The following FER variants were observed in gnomAD, a reference collection of about 807,000 sequenced individuals.
FER encodes the protein tyrosine-protein kinase Fer.
Under a neutral mutation model 111.0 loss-of-function variants are expected in FER, and 63 were observed. The observed-to-expected ratio is 0.57, with a 90% CI of 0.46 to 0.70. FER has a LOEUF of 0.70. FER is among the 30% of genes least tolerant of loss of function. FER has a pLI of 0.00. For missense variants in FER, 914 were observed against 954.0 expected (o/e 0.96, Z 0.55); for synonymous variants, 327 against 313.9 (o/e 1.04, Z -0.44).
At chr5:108,853,283 A>G (rs922518824) in intron 5 of FER, among the ~76,000 whole-genome samples, 2 of 152,196 alleles carry the variant, frequency 1.3e-5, no homozygotes, top group East Asian at 3.8e-4. Context: ...AGTTCTTGCT[A>G]TATGTTAGTC....
chr5:108,889,667 A>C (rs1051579935), intron 9 of FER, among the ~76,000 whole-genome samples: 17 of 152,096 alleles, frequency 1.1e-4, no homozygotes, highest in African/African-American at 3.9e-4. Context: ...AAAGAGTATA[A>C]TAGGATAGTT....
At chr5:109,111,041 C>T (rs1471434838) in intron 17 of FER, among the ~76,000 whole-genome samples, 1 of 152,036 alleles carries the variant, frequency 6.6e-6, no homozygotes, top group African/African-American at 2.4e-5. Context: ...GTCTTAGCTA[C>T]AGTTTTTTAT....
intron 10 of FER, among the ~76,000 whole-genome samples, chr5:108,905,481 C>A (rs1195410853): frequency 6.6e-6 from 1 of 152,032 alleles, no homozygotes; most frequent in African/African-American, 2.4e-5. Flanking sequence ...TAAATATCTA[C>A]TATGATTAAT....
chr5:108,866,052 G>A (rs190447573), intron 5 of FER, among the ~76,000 whole-genome samples: 48 of 152,302 alleles, frequency 3.2e-4, no homozygotes, highest in Admixed American at 3.0e-3. Flanking sequence ...TCTGGAACTA[G>A]AAGTACCATT....
chr5:109,106,855 G>A lies in FER; in HGVS notation c.2048+6336G>A, dbSNP rs1748995713. Among the ~76,000 whole-genome samples, 5 of 152,278 alleles carry A rather than the reference G, an allele frequency of 3.3e-5. No individual in the cohort carries two copies. The South Asian group carries it at 1.0e-3, about 32-fold the overall frequency. The stretch of plus-strand genomic sequence containing the variant: ...TTTATGTTAGCCAATTAACATCTTG[G>A]CTTGGGTTAATGTACCAGCATATCT... On this transcript the variant is annotated intron_variant, in intron 17 of 19. Transcript: ENST00000281092.
Position 109,062,870 on chromosome 5 carries a change from TCA to T in FER, c.1924+15677_1924+15678del, listed in dbSNP as rs34577728. Among the ~76,000 whole-genome samples, 842 of 152,316 alleles carry T rather than the reference TCA, an allele frequency of 5.5e-3. 11 individuals are homozygous for T. Among genetic ancestry groups the T allele is most frequent in the African/African-American group, 0.019 (777 of 41,580 alleles). Reference sequence around the variant, plus strand: ...TATATTATCTGGTACAATTCTCAGCTCACACAGACTCATGGCCCTTGGCAATC... The same window carrying T: ...TATATTATCTGGTACAATTCTCAGCTCACAGACTCATGGCCCTTGGCAATC... On this transcript the variant is annotated intron_variant, in intron 16 of 19. Coordinates refer to ENST00000281092, the MANE Select transcript of FER (RefSeq NM_005246.4).
At chr5:108,764,439 C>G (rs937568695) in intron 1 of FER, among the ~76,000 whole-genome samples, 1 of 151,580 alleles carries the variant, frequency 6.6e-6, no homozygotes, top group Non-Finnish European at 1.5e-5. Context: ...CTCTTGTTGC[C>G]CAGACTGCAG....
At chr5:108,970,442 G>C (rs1287818838) in intron 13 of FER, among the ~76,000 whole-genome samples, 1 of 151,786 alleles carries the variant, frequency 6.6e-6, no homozygotes, top group African/African-American at 2.4e-5. Flanking sequence ...GCATGGTCTT[G>C]ATCTCCTGAC....
chr5:109,181,108 A>G (rs914842259), intron 18 of FER, among the ~76,000 whole-genome samples: 2 of 152,172 alleles, frequency 1.3e-5, no homozygotes, highest in Non-Finnish European at 2.9e-5. Context: ...AAAGGTAGAT[A>G]TAAGTACTTT....
chr5:108,982,553 CAAAAG>C (rs1399391064), intron 13 of FER, among the ~76,000 whole-genome samples: 1 of 151,990 alleles, frequency 6.6e-6, no homozygotes, highest in Non-Finnish European at 1.5e-5. Flanking sequence ...TTATAGAACT[CAAAAG>C]AAAGGTATCC....
intron 16 of FER, among the ~76,000 whole-genome samples, chr5:109,066,199 A>T (rs185237615): frequency 6.6e-6 from 1 of 152,288 alleles, no homozygotes; most frequent in African/African-American, 2.4e-5. Flanking sequence ...AATATATCTC[A>T]TAAGATGATA....
At chr5:109,081,591 A>G (rs74970060) in intron 16 of FER, among the ~76,000 whole-genome samples, 1 of 152,132 alleles carries the variant, frequency 6.6e-6, no homozygotes, top group South Asian at 2.1e-4. Flanking sequence ...TCTCAGTATT[A>G]TATTGAAACC....
At chr5:108,785,331 C>G in intron 2 of FER, 2 of 565,482 alleles carry the variant, frequency 3.5e-6, no homozygotes, top group Non-Finnish European at 6.9e-6. Flanking sequence ...TGCTTCAGCC[C>G]CAACTGCTAC....
chr5:108,863,390 G>C (rs1448538407), intron 5 of FER, among the ~76,000 whole-genome samples: 1 of 152,100 alleles, frequency 6.6e-6, no homozygotes, highest in East Asian at 1.9e-4. Flanking sequence ...GAAAGTGTTG[G>C]GATTACACGT....
chr5:108,826,739 G>C (rs1264361996), intron 3 of FER, among the ~76,000 whole-genome samples: 1 of 152,208 alleles, frequency 6.6e-6, no homozygotes, highest in East Asian at 1.9e-4. Context: ...TGGGCTTTTT[G>C]ATGGGAAGTG....
intron 13 of FER, among the ~76,000 whole-genome samples, chr5:109,017,055 G>C (rs12188107): frequency 6.6e-6 from 1 of 151,942 alleles, no homozygotes; most frequent in Non-Finnish European, 1.5e-5. Flanking sequence ...ATGATACTTT[G>C]TTATGGCAGC....
chr5:109,178,926 A>G (rs920726211), intron 17 of FER, among the ~76,000 whole-genome samples: 3 of 151,492 alleles, frequency 2.0e-5, no homozygotes, highest in African/African-American at 4.8e-5. Flanking sequence ...ATATTTTTTA[A>G]TTAATATTCA....
At chr5:109,120,468 T>C (rs1750829712) in intron 17 of FER, among the ~76,000 whole-genome samples, 1 of 152,162 alleles carries the variant, frequency 6.6e-6, no homozygotes, top group Non-Finnish European at 1.5e-5. Flanking sequence ...GTGTCTATTT[T>C]TATTGCCAGT....
chr5:109,005,094 A>G (rs1364964605), intron 13 of FER, among the ~76,000 whole-genome samples: 1 of 152,122 alleles, frequency 6.6e-6, no homozygotes, highest in Non-Finnish European at 1.5e-5. Flanking sequence ...ACCAGAATCC[A>G]GTGTGTGCCA....
Sources: allele counts gnomAD v4.1 joint callset (sites outside exome capture counted in the v4.1 genomes callset), GRCh38; gene constraint gnomAD v4.1.1; transcripts MANE v1.5; gene names NCBI Gene and HGNC (gene_info 2026-07-23, HGNC 2026-07-21).